FHIP2A: variants seen among roughly 807,000 people sequenced by gnomAD.
FHIP2A encodes family with sequence similarity 160 member B1.
A neutral mutation model predicts 93.5 loss-of-function variants in FHIP2A; 46 were observed. That is an observed-to-expected ratio of 0.49 (90% CI 0.39 to 0.63). FHIP2A has a LOEUF of 0.63. Among genes scored for constraint, FHIP2A ranks in the 20% least tolerant of loss-of-function variants. The pLI is 0.00. For missense variants in FHIP2A, 769 were observed against 909.7 expected, an observed-to-expected ratio of 0.85 and a Z score of 1.99; for synonymous variants, 332 against 326.5, an observed-to-expected ratio of 1.02 and a Z score of -0.18.
chr10:114,890,652 T>C (rs984917241), intron 16 of FHIP2A, among the ~76,000 whole-genome samples: 2 of 147,646 alleles, frequency 1.4e-5, no homozygotes, highest in African/African-American at 4.9e-5. Context: ...ATATGACATA[T>C]ACGGTATATA....
At chr10:114,885,353 C>G (rs563453928) in intron 16 of FHIP2A, among the ~76,000 whole-genome samples, 1 of 151,112 alleles carries the variant, frequency 6.6e-6, no homozygotes, top group Non-Finnish European at 1.5e-5. Context: ...AGGGATCATG[C>G]CATTGCACTC....
At chr10:114,829,355 A>C (rs2083595083) in intron 1 of FHIP2A, among the ~76,000 whole-genome samples, 1 of 151,996 alleles carries the variant, frequency 6.6e-6, no homozygotes. Flanking sequence ...GGGGTGGGCC[A>C]TTCTCAGCCT....
At position 114,876,014 on chromosome 10, in the gene FHIP2A, GAAAA is replaced by G. The variant is rs942243781; in HGVS notation, c.2192+14682_2192+14685del. Among the ~76,000 whole-genome samples, 11 of 148,656 alleles carry G rather than the reference GAAAA, an allele frequency of 7.4e-5. 1 individual carries two copies. The highest frequency in any genetic ancestry group is 2.4e-4 in the African/African-American group (9 of 38,238). On this transcript the variant is annotated intron_variant, in intron 16 of 16. Coordinates refer to the FHIP2A transcript ENST00000369250. ...AGAAAGAAAAAGAAAGAGAAAGAAA[GAAAA>G]AGAAAGAAAAGCTCTAGAAGGAAGA...
intron 16 of FHIP2A, among the ~76,000 whole-genome samples, chr10:114,888,388 C>G (rs2083953375): frequency 6.6e-6 from 1 of 152,070 alleles, no homozygotes; most frequent in African/African-American, 2.4e-5. Context: ...TCTGTAACTC[C>G]TAAAGGATGA....
At chr10:114,873,071 A>G (rs1411642135) in intron 16 of FHIP2A, among the ~76,000 whole-genome samples, 1 of 152,216 alleles carries the variant, frequency 6.6e-6, no homozygotes, top group Non-Finnish European at 1.5e-5. Flanking sequence ...ATTCAAAGGA[A>G]AGGAGTTGAG....
chr10:114,864,560 G>A lies in FHIP2A; in HGVS notation c.*3020G>A. On this transcript the variant is annotated 3_prime_UTR_variant, in exon 17 of 17. Coordinates refer to ENST00000369248, the MANE Select transcript of FHIP2A (RefSeq NM_020940.4). Reference sequence around the variant, plus strand: ...TTACTGACAGTGTTACCAGCGTCTGGAATTCTTGGTCCCTCCGTGGAGAAA... The same window carrying A: ...TTACTGACAGTGTTACCAGCGTCTGAAATTCTTGGTCCCTCCGTGGAGAAA... The A allele has an allele frequency of 1.0e-6, 1 of 985,610 alleles. No homozygotes were observed. The highest frequency in any genetic ancestry group is 1.1e-4 in the East Asian group (1 of 8,824). 61.1% of individuals were successfully genotyped at this position (985,610 alleles called of 1,614,324 possible). A position where few individuals can be genotyped will look rare whatever the true frequency, so the allele number is the denominator to read the frequency against.
intron 15 of FHIP2A, 99 bp downstream of exon 15, chr10:114,860,988 AT>A: frequency 8.3e-7 from 1 of 1,197,814 alleles, no homozygotes; most frequent in Non-Finnish European, 1.2e-6. Context: ...AATGAAAAAT[AT>A]ATCTACTGCT....
In FHIP2A at chr10:114,891,820, T is replaced by A. The variant is rs2143016248; in HGVS notation, c.2193-7670T>A. On this transcript the variant is annotated intron_variant, in intron 16 of 16. Transcript: ENST00000369250. The stretch of plus-strand genomic sequence containing the variant: ...TAGTAGAGATGCGGTTTCTCCATGT[T>A]GTTCAGGCTGGTCTCAAACTCCTGA... Among the ~76,000 whole-genome samples the A allele has an allele frequency of 1.3e-5, 2 of 152,188 alleles. 1 individual carries two copies. The highest frequency in any genetic ancestry group is 4.1e-4 in the South Asian group (2 of 4,824).
At chr10:114,822,224 C>T (rs1468099932) in intron 1 of FHIP2A, 101 bp downstream of exon 1, 7 of 708,806 alleles carry the variant, frequency 9.9e-6, no homozygotes, top group Non-Finnish European at 1.3e-5. Flanking sequence ...GCCCGGCCCT[C>T]GGCGGCCCTG....
Position 114,833,290 on chromosome 10 carries a change from A to C in FHIP2A, c.182A>C (p.Asp61Ala). 6.2e-7 allele frequency: 1 copy of C among 1,613,396 alleles called. No individual in the cohort carries two copies. Residue 61 changes from aspartate (D) to alanine (A), a missense_variant, in exon 3 of 17, where the codon GAT becomes GCT. Asp to Ala is a moderately radical substitution (Grantham distance 126). Coordinates refer to ENST00000369248, the MANE Select transcript of FHIP2A (RefSeq NM_020940.4). ...CCATCGCATCTGGAACAGATGTTAG[A>C]TATACTGGTTCAAGAAGAAAATGAA... ...NIPSHLEQMLDILVQEENERE... is the reference protein window; with the variant it reads ...NIPSHLEQMLAILVQEENERE...
At chr10:114,822,368 C>T (rs1455303674) in intron 1 of FHIP2A, among the ~76,000 whole-genome samples, 1 of 151,894 alleles carries the variant, frequency 6.6e-6, no homozygotes, top group African/African-American at 2.4e-5. Flanking sequence ...TCCCTGCCCT[C>T]CTCCAGGAGC....
At chr10:114,839,278 C>T (rs1287014577) in intron 5 of FHIP2A, among the ~76,000 whole-genome samples, 1 of 151,994 alleles carries the variant, frequency 6.6e-6, no homozygotes, top group Admixed American at 6.6e-5. Flanking sequence ...AGGTGCGCAC[C>T]ACCACGCCCG....
chr10:114,825,488 GTGT>G (rs2083570594), intron 1 of FHIP2A, among the ~76,000 whole-genome samples: 1 of 152,218 alleles, frequency 6.6e-6, no homozygotes, highest in African/African-American at 2.4e-5. Context: ...ATTTGAAAAT[GTGT>G]TGTTAAGCTG....
chr10:114,855,805 A>C (rs747308451), intron 14 of FHIP2A, among the ~76,000 whole-genome samples: 4 of 152,212 alleles, frequency 2.6e-5, no homozygotes, highest in Non-Finnish European at 4.4e-5. Context: ...ACTCATTTTC[A>C]TAAGGGAGAG....
chr10:114,838,225 A>G (rs1343196585), intron 5 of FHIP2A, among the ~76,000 whole-genome samples: 1 of 152,166 alleles, frequency 6.6e-6, no homozygotes, highest in East Asian at 1.9e-4. Flanking sequence ...AACCACTCCA[A>G]TAGATGGGTT....
chr10:114,850,163 A>G (rs1448103928), intron 13 of FHIP2A, among the ~76,000 whole-genome samples: 1 of 152,146 alleles, frequency 6.6e-6, no homozygotes, highest in East Asian at 1.9e-4. Flanking sequence ...TCTATATTTA[A>G]CTTTTTTGAG....
At chr10:114,888,656 G>A (rs760147957) in intron 16 of FHIP2A, among the ~76,000 whole-genome samples, 13 of 152,030 alleles carry the variant, frequency 8.6e-5, no homozygotes, top group Non-Finnish European at 1.9e-4. Flanking sequence ...AGGCTGGAGT[G>A]CAATGGTGCG....
At chr10:114,866,719 C>T (rs892110881), downstream of FHIP2A, among the ~76,000 whole-genome samples, 1 of 152,152 alleles carries the variant, frequency 6.6e-6, no homozygotes, top group Non-Finnish European at 1.5e-5. Flanking sequence ...CACTGGTGAA[C>T]ACTGTTAGAG....
At chr10:114,889,173 TG>T (rs749453915) in intron 16 of FHIP2A, among the ~76,000 whole-genome samples, 11 of 152,136 alleles carry the variant, frequency 7.2e-5, no homozygotes, top group Non-Finnish European at 1.5e-4. Flanking sequence ...TAATGTGTGC[TG>T]TGTGGGTGGA....
Sources: gnomAD v4.1 joint callset for allele counts (sites outside exome capture counted in the v4.1 genomes callset) on GRCh38, gnomAD v4.1.1 for gene constraint, MANE v1.5 for transcripts, NCBI Gene and HGNC (gene_info 2026-07-23, HGNC 2026-07-21) for gene names.